HADH: variants seen among roughly 807,000 people sequenced by gnomAD.
The protein encoded by HADH is hydroxyacyl-coenzyme A dehydrogenase, mitochondrial.
A neutral mutation model predicts 32.2 loss-of-function variants in HADH; 24 were observed. The ratio of observed to expected loss-of-function variants is 0.75; its 90% CI spans 0.54 to 1.05. HADH has a LOEUF of 1.05. Among genes scored for constraint, HADH ranks in the 50% least tolerant of loss-of-function variants. The pLI is 0.00. For missense variants in HADH, 350 were observed against 397.1 expected (o/e 0.88, Z 1.01); for synonymous variants, 139 against 152.5 (o/e 0.91, Z 0.65).
intron 1 of HADH, among the ~76,000 whole-genome samples, chr4:108,007,364 C>T (rs1400154676): frequency 6.6e-6 from 1 of 152,168 alleles, no homozygotes; most frequent in Admixed American, 6.5e-5. Flanking sequence ...GCCTCGGCCT[C>T]CCAAAGTACT....
chr4:108,020,920 A>G (rs533791213), intron 4 of HADH, among the ~76,000 whole-genome samples: 10 of 152,272 alleles, frequency 6.6e-5, no homozygotes, highest in African/African-American at 1.7e-4. Context: ...ACTACTCAGC[A>G]TAAGCATTTT....
chr4:108,030,609 C>T (rs1736230449), intron 6 of HADH: 1 of 152,230 alleles, frequency 6.6e-6, no homozygotes, highest in African/African-American at 2.4e-5. Flanking sequence ...ATCTGGAGTT[C>T]ACTGAGGAAG....
chr4:107,992,837 C>T (rs972160879), intron 1 of HADH, among the ~76,000 whole-genome samples: 3 of 152,088 alleles, frequency 2.0e-5, no homozygotes, highest in Admixed American at 6.5e-5. Flanking sequence ...ATCTTCGGCC[C>T]GGCATGGTGG....
chr4:107,993,906 GT>G (rs11423497), intron 1 of HADH, among the ~76,000 whole-genome samples: 3 of 151,950 alleles, frequency 2.0e-5, no homozygotes, highest in Non-Finnish European at 4.4e-5. Flanking sequence ...GGGACAGGTT[GT>G]TTTTTTGCTT....
chr4:107,992,359 CA>C (rs1211170328), intron 1 of HADH, among the ~76,000 whole-genome samples: 1 of 152,226 alleles, frequency 6.6e-6, no homozygotes, highest in Non-Finnish European at 1.5e-5. Context: ...TTGACAGCTC[CA>C]ATCCTCTAAA....
chr4:108,024,187 C>G lies in HADH; in HGVS notation c.636+624C>G, dbSNP rs1030863218. 4 of 152,350 alleles carry G rather than the reference C, an allele frequency of 2.6e-5. 1 individual carries two copies. Among genetic ancestry groups the G allele is most frequent in the Admixed American group, 2.6e-4 (4 of 15,308 alleles). 9.4% of individuals were successfully genotyped at this position (152,350 alleles called of 1,614,324 possible). On this transcript the variant is annotated intron_variant, in intron 5 of 7. Coordinates refer to ENST00000309522, the MANE Select transcript of HADH (RefSeq NM_005327.7). ...TAATCCCAGTTGCTGAAATGATAAC[C>G]TACCTGAAGGTAATTATTTTGATTA...
At chr4:108,020,553 C>A (rs1213579592) in intron 4 of HADH, among the ~76,000 whole-genome samples, 1 of 152,086 alleles carries the variant, frequency 6.6e-6, no homozygotes, top group Non-Finnish European at 1.5e-5. Flanking sequence ...GAAGGTGGAG[C>A]GGGGAGGCAG....
intron 3 of HADH, among the ~76,000 whole-genome samples, chr4:108,017,154 T>A (rs965245912): frequency 2.0e-5 from 3 of 152,238 alleles, no homozygotes; most frequent in Admixed American, 6.5e-5. Flanking sequence ...TGACAAATTT[T>A]ACAGTTCGAT....
intron 3 of HADH, among the ~76,000 whole-genome samples, chr4:108,015,455 C>A (rs1490491635): frequency 6.6e-6 from 1 of 152,146 alleles, no homozygotes; most frequent in Non-Finnish European, 1.5e-5. Context: ...GTTCATGACC[C>A]CTGGACATTC....
In HADH at chr4:108,034,870, C is replaced by T. The variant is rs1230517663; in HGVS notation, c.*513C>T. On this transcript the variant is annotated 3_prime_UTR_variant, in exon 8 of 8. Transcript: ENST00000309522. ...GTCTTGCCCTACATTTTGGGCATGACATAAGATGTGTCTTTATTCAGCTCG... is the reference window on the plus strand; with the variant it reads ...GTCTTGCCCTACATTTTGGGCATGATATAAGATGTGTCTTTATTCAGCTCG... 6 of 247,410 alleles carry T rather than the reference C, an allele frequency of 2.4e-5. No individual in the cohort carries two copies. The East Asian group carries it at 5.7e-4, about 24-fold the overall frequency. The allele number at this position is 247,410 out of a possible 1,614,324, so 15.3% of individuals were successfully genotyped here. A position where few individuals can be genotyped will look rare whatever the true frequency, so the allele number is the denominator to read the frequency against.
intron 3 of HADH, among the ~76,000 whole-genome samples, chr4:108,015,269 TCTC>T (rs1445549091): frequency 5.3e-5 from 8 of 152,232 alleles, no homozygotes; most frequent in Non-Finnish European, 8.8e-5. Flanking sequence ...GGGTTCCCTT[TCTC>T]CAGATTCTCA....
intron 1 of HADH, chr4:108,004,661 T>C: frequency 6.6e-7 from 1 of 1,517,870 alleles, no homozygotes. Context: ...ATATCTGTCA[T>C]AGGAAAGAGG....
chr4:108,003,856 G>C (rs142389979), intron 1 of HADH, among the ~76,000 whole-genome samples: 1 of 151,464 alleles, frequency 6.6e-6, no homozygotes, highest in African/African-American at 2.4e-5. Context: ...CTATTGTGAT[G>C]TGCCAGGCAC....
chr4:108,012,460 C>G (rs909062661), intron 2 of HADH, among the ~76,000 whole-genome samples: 1 of 152,178 alleles, frequency 6.6e-6, no homozygotes, highest in Non-Finnish European at 1.5e-5. Flanking sequence ...ACAAAGGAGA[C>G]AGGGTCATTT....
At chr4:108,019,320 A>C (rs1018540525) in intron 3 of HADH, among the ~76,000 whole-genome samples, 6 of 152,212 alleles carry the variant, frequency 3.9e-5, no homozygotes, top group African/African-American at 9.6e-5. Context: ...TCTTCGGAAC[A>C]GGAAATTCCA....
intron 1 of HADH, among the ~76,000 whole-genome samples, chr4:107,998,033 T>C (rs188128076): frequency 2.4e-4 from 36 of 152,312 alleles, no homozygotes; most frequent in African/African-American, 8.4e-4. Flanking sequence ...ATCTTGACTT[T>C]ACCAACAAAT....
At chr4:108,004,760 A>C in intron 1 of HADH, 3 of 1,535,708 alleles carry the variant, frequency 2.0e-6, no homozygotes, top group Non-Finnish European at 2.6e-6. Flanking sequence ...GGTCAAAAGA[A>C]GCAGCTGAAG....
intron 6 of HADH, chr4:108,032,344 G>T (rs1169271592): frequency 3.1e-6 from 5 of 1,601,804 alleles, no homozygotes; most frequent in Non-Finnish European, 3.4e-6. Context: ...AACGTGTGGT[G>T]ATTCTAACTC....
At chr4:108,004,010 C>G (rs915034846) in intron 1 of HADH, among the ~76,000 whole-genome samples, 17 of 152,166 alleles carry the variant, frequency 1.1e-4, no homozygotes, top group Non-Finnish European at 2.4e-4. Context: ...GAGTCTGGCC[C>G]TTGCCTGTCT....
Sources: gnomAD v4.1 joint callset for allele counts (sites outside exome capture counted in the v4.1 genomes callset) on GRCh38, gnomAD v4.1.1 for gene constraint, MANE v1.5 for transcripts, NCBI Gene and HGNC (gene_info 2026-07-23, HGNC 2026-07-21) for gene names.